The following FLRT1 variants were observed in gnomAD, a reference collection of about 807,000 sequenced individuals.
FLRT1 encodes leucine-rich repeat transmembrane protein FLRT1.
In FLRT1, 14 loss-of-function variants were observed where a neutral mutation model predicts 30.9. That is an observed-to-expected ratio of 0.45 (90% CI 0.30 to 0.71). The LOEUF (loss-of-function observed/expected upper bound fraction) is 0.71, where lower values mean the gene tolerates loss of function less well. Ranked by LOEUF, FLRT1 falls within the 30% of genes least tolerant of loss-of-function variation. The pLI is 0.08. For synonymous variants in FLRT1, 368 were observed against 430.4 expected (o/e 0.85, Z 1.80); for missense variants, 737 against 949.2 (o/e 0.78, Z 2.94).
Position 64,116,436 on chromosome 11 carries a change from G to C in FLRT1, c.169G>C (p.Val57Leu), listed in dbSNP as rs201349682. Residue 57 changes from valine (V) to leucine (L), a missense_variant, in exon 3 of 3, where the codon GTG becomes CTG. Val to Leu is a conservative substitution (Grantham distance 32). Coordinates refer to ENST00000682287, the MANE Select transcript of FLRT1 (RefSeq NM_013280.5). ...EVIDSTTCPS[V>L]CRCDNGFIYC... ...CATCGACAGCACCACCTGCCCCTCG[G>C]TGTGCCGCTGCGACAACGGCTTCAT... is the stretch of plus-strand genomic sequence containing the variant. 6.2e-7 allele frequency: 1 copy of C among 1,614,034 alleles called. No individual in the cohort carries two copies. Among genetic ancestry groups the C allele is most frequent in the East Asian group, 2.2e-5 (1 of 44,880 alleles).
At chr11:64,077,810 G>A (rs536412401) in intron 1 of FLRT1, among the ~76,000 whole-genome samples, 56 of 152,344 alleles carry the variant, frequency 3.7e-4, no homozygotes, top group Admixed American at 2.4e-3. Context: ...GCCGCCGCTC[G>A]GACATTTGGG....
intron 1 of FLRT1, among the ~76,000 whole-genome samples, chr11:64,088,003 T>C (rs562416134): frequency 2.0e-5 from 3 of 152,136 alleles, no homozygotes; most frequent in African/African-American, 2.4e-5. Flanking sequence ...AGAGGGGCTG[T>C]GGTGTGGAAA....
At chr11:64,083,603 G>A (rs1056124230) in intron 1 of FLRT1, among the ~76,000 whole-genome samples, 12 of 152,174 alleles carry the variant, frequency 7.9e-5, no homozygotes, top group African/African-American at 2.7e-4. Flanking sequence ...AGAACGAGCC[G>A]GGAATAAATA....
In FLRT1 at chr11:64,060,061, G is replaced by A. The variant is rs377001650; in HGVS notation, c.-1038+23902G>A. ...GGAATGGCGAACAACTCCCTAAGGG[G>A]CAACTAACAGACCAATTAAGCTGCC... On this transcript the variant is annotated intron_variant, in intron 1 of 2. Transcript: ENST00000682287. Among the ~76,000 whole-genome samples the A allele has an allele frequency of 5.3e-4, 81 of 152,346 alleles. No homozygotes were observed. In the East Asian group the frequency reaches 0.011, roughly 21 times the overall value.
intron 1 of FLRT1, among the ~76,000 whole-genome samples, chr11:64,095,139 G>A (rs184610997): frequency 2.1e-4 from 32 of 152,342 alleles, no homozygotes; most frequent in East Asian, 1.2e-3. Context: ...TGCAAAGATG[G>A]GGAAGGAACG....
At chr11:64,115,293 C>T (rs866047955) in intron 2 of FLRT1, among the ~76,000 whole-genome samples, 1 of 152,142 alleles carries the variant, frequency 6.6e-6, no homozygotes, top group Non-Finnish European at 1.5e-5. Context: ...TCCAAAATTA[C>T]ACCTTGCAGC....
At chr11:64,043,037 C>T (rs1275375408) in intron 1 of FLRT1, among the ~76,000 whole-genome samples, 1 of 152,220 alleles carries the variant, frequency 6.6e-6, no homozygotes, top group African/African-American at 2.4e-5. Context: ...AGTCGATGAA[C>T]TTGGGCTCGA....
intron 1 of FLRT1, among the ~76,000 whole-genome samples, chr11:64,077,697 G>A (rs1944228467): frequency 6.6e-6 from 1 of 152,200 alleles, no homozygotes; most frequent in Non-Finnish European, 1.5e-5. Context: ...TTGTCTGGGA[G>A]CATCAGCATT....
rs1377810201 is a variant in FLRT1, at chr11:64,067,335, G to A, written c.-1038+31176G>A. 6.6e-6 allele frequency among the ~76,000 whole-genome samples: 1 copy of A among 152,162 alleles called. No homozygotes were observed. The highest frequency in any genetic ancestry group is 1.5e-5 in the Non-Finnish European group (1 of 68,028). On this transcript the variant is annotated intron_variant, in intron 1 of 2. Transcript: ENST00000682287. The surrounding 1 kb of genome is among the most constrained non-coding windows in gnomAD (Gnocchi z 4.6). Reference sequence around the variant, plus strand: ...TGCTCAGCCTCTCCCGGAGGATGGTGAGGGGGGAATCCATTATCGGGCAAA... The same window carrying A: ...TGCTCAGCCTCTCCCGGAGGATGGTAAGGGGGGAATCCATTATCGGGCAAA...
intron 1 of FLRT1, among the ~76,000 whole-genome samples, chr11:64,045,674 C>A (rs745704872): frequency 2.6e-5 from 4 of 152,162 alleles, no homozygotes; most frequent in African/African-American, 4.8e-5. Context: ...CAAAGGCAGG[C>A]GCACATCCCT....
At chr11:64,065,289 C>T (rs887083215) in intron 1 of FLRT1, among the ~76,000 whole-genome samples, 20 of 152,086 alleles carry the variant, frequency 1.3e-4, no homozygotes, top group African/African-American at 4.6e-4. Context: ...GGGCAGGTGG[C>T]GGGCAAGCGT....
Position 64,117,614 on chromosome 11 carries a change from C to T in FLRT1, c.1347C>T (p.Asp449=), listed in dbSNP as rs1945014232. 6.2e-7 allele frequency: 1 copy of T among 1,613,790 alleles called. No homozygotes were observed. Among genetic ancestry groups the T allele is most frequent in the Non-Finnish European group, 8.5e-7 (1 of 1,180,010 alleles). The change falls in exon 3 of 3, where the codon GAC becomes GAT. Residue 449 remains aspartate (D), a synonymous_variant. Coordinates refer to ENST00000682287, the MANE Select transcript of FLRT1 (RefSeq NM_013280.5). The stretch of plus-strand genomic sequence containing the variant: ...TCCACGTGAAGGCCCTGACGGCAGA[C>T]TCCATCCGCATCACGTGGAAGGCCA... The part of the protein sequence containing the change: ...LAIHVKALTA[D]SIRITWKATL...
intron 1 of FLRT1, among the ~76,000 whole-genome samples, chr11:64,050,404 C>T (rs1263016522): frequency 6.6e-6 from 1 of 152,240 alleles, no homozygotes; most frequent in Admixed American, 6.5e-5. Context: ...TGGGGCCAGG[C>T]CCTTGGCCAG....
intron 1 of FLRT1, among the ~76,000 whole-genome samples, chr11:64,049,670 AG>A (rs1371649408): frequency 6.6e-6 from 1 of 152,208 alleles, no homozygotes; most frequent in Non-Finnish European, 1.5e-5. Context: ...CTGGGGGTGC[AG>A]ACAGACAGCT....
intron 1 of FLRT1, among the ~76,000 whole-genome samples, chr11:64,094,941 C>G (rs948278272): frequency 6.6e-6 from 1 of 152,224 alleles, no homozygotes; most frequent in Non-Finnish European, 1.5e-5. Context: ...GGTTTCCCAG[C>G]CCCGTGTGCT....
chr11:64,098,604 G>A (rs1183976982), intron 1 of FLRT1, among the ~76,000 whole-genome samples: 3 of 152,196 alleles, frequency 2.0e-5, no homozygotes, highest in African/African-American at 7.2e-5. Context: ...CAGAGCCATG[G>A]AACAAACTCC....
At chr11:64,041,889 G>A (rs576225278) in intron 1 of FLRT1, among the ~76,000 whole-genome samples, 1 of 152,192 alleles carries the variant, frequency 6.6e-6, no homozygotes, top group East Asian at 1.9e-4. Flanking sequence ...AGGGTGCCCC[G>A]CCCAGTTAAA....
At chr11:64,065,094 G>A (rs1943972463) in intron 1 of FLRT1, among the ~76,000 whole-genome samples, 2 of 152,358 alleles carry the variant, frequency 1.3e-5, no homozygotes, top group East Asian at 3.9e-4. Flanking sequence ...AGACTCGGCG[G>A]CCTCGGAGAG....
At chr11:64,077,029 G>C (rs1017931185) in intron 1 of FLRT1, among the ~76,000 whole-genome samples, 2 of 151,318 alleles carry the variant, frequency 1.3e-5, no homozygotes, top group African/African-American at 4.9e-5. Flanking sequence ...GTGGGGAGTA[G>C]ATGGGAGGGA....
Sources: gnomAD v4.1 joint callset for allele counts (sites outside exome capture counted in the v4.1 genomes callset) on GRCh38, gnomAD v4.1.1 for gene constraint, Gnocchi (gnomAD v3.1) non-coding constraint, MANE v1.5 for transcripts, NCBI Gene and HGNC (gene_info 2026-07-23, HGNC 2026-07-21) for gene names.